The following GMPR variants were observed in gnomAD, a reference collection of about 807,000 sequenced individuals.
GMPR encodes guanosine monophosphate reductase.
Under a neutral mutation model 38.4 loss-of-function variants are expected in GMPR, and 31 were observed. The ratio of observed to expected loss-of-function variants is 0.81; its 90% CI spans 0.61 to 1.09. GMPR has a LOEUF of 1.09. Among genes scored for constraint, GMPR ranks in the 50% least tolerant of loss-of-function variants. The pLI, the probability that GMPR is intolerant of heterozygous loss-of-function variation, is 0.00. For synonymous variants in GMPR, 162 were observed against 173.3 expected (o/e 0.93, Z 0.51); for missense variants, 468 against 453.7 (o/e 1.03, Z -0.29).
chr6:16,292,168 C>T (rs1458494300), intron 8 of GMPR, among the ~76,000 whole-genome samples: 1 of 152,134 alleles, frequency 6.6e-6, no homozygotes, highest in Non-Finnish European at 1.5e-5. Flanking sequence ...CTGACTGACA[C>T]CCTTTATTTC....
chr6:16,272,978 A>C (rs1417512680), intron 4 of GMPR, among the ~76,000 whole-genome samples: 1 of 152,126 alleles, frequency 6.6e-6, no homozygotes, highest in Non-Finnish European at 1.5e-5. Context: ...TTTAGTTTTT[A>C]TGTAGACAGC....
chr6:16,295,358 C>A lies in GMPR; in HGVS notation c.*172C>A. 2.1e-6 allele frequency: 1 copy of A among 482,504 alleles called. No individual in the cohort carries two copies. The highest frequency in any genetic ancestry group is 3.5e-6 in the Non-Finnish European group (1 of 287,416). The allele number at this position is 482,504 out of a possible 1,614,324, so 29.9% of individuals were successfully genotyped here. Reference sequence around the variant, plus strand: ...GCTTCGGGGCTCTCCCGCCTGCCTTCTCGGGGCCCAGACGCAAGGCACCGA... The same window carrying A: ...GCTTCGGGGCTCTCCCGCCTGCCTTATCGGGGCCCAGACGCAAGGCACCGA... On this transcript the variant is annotated 3_prime_UTR_variant, in exon 9 of 9. Transcript: ENST00000259727.
chr6:16,266,795 C>G (rs1347256649), intron 4 of GMPR, among the ~76,000 whole-genome samples: 1 of 147,262 alleles, frequency 6.8e-6, no homozygotes, highest in Admixed American at 6.7e-5. Flanking sequence ...TCTCAAAAAA[C>G]AAACAAACAA....
At chr6:16,266,048 G>A (rs1041398572) in intron 4 of GMPR, among the ~76,000 whole-genome samples, 5 of 152,106 alleles carry the variant, frequency 3.3e-5, no homozygotes, top group East Asian at 1.9e-4. Context: ...GTGAGACCAC[G>A]AACCCAGTGG....
chr6:16,258,737 TGG>T, intron 4 of GMPR, among the ~76,000 whole-genome samples: 1 of 152,228 alleles, frequency 6.6e-6, no homozygotes, highest in East Asian at 1.9e-4. Flanking sequence ...TTTATGTCCT[TGG>T]TTTTTGGTGT....
intron 1 of GMPR, among the ~76,000 whole-genome samples, chr6:16,240,682 A>T (rs1758631239): frequency 6.6e-6 from 1 of 152,210 alleles, no homozygotes; most frequent in South Asian, 2.1e-4. Context: ...GGGGAATACT[A>T]TCACATCATG....
At chr6:16,274,372 C>T (rs373547039) in intron 4 of GMPR, 43 bp from the exon 5 acceptor site, 1 of 1,211,438 alleles carries the variant, frequency 8.3e-7, no homozygotes, top group Non-Finnish European at 1.2e-6. Context: ...TTTATACCAG[C>T]AATAGTAGTT....
At chr6:16,252,872 G>A (rs1464066474) in intron 3 of GMPR, among the ~76,000 whole-genome samples, 1 of 152,302 alleles carries the variant, frequency 6.6e-6, no homozygotes, top group Admixed American at 6.5e-5. Flanking sequence ...GTAAATATGT[G>A]TCATGTTAAC....
intron 6 of GMPR, among the ~76,000 whole-genome samples, chr6:16,284,474 C>T (rs776732901): frequency 6.6e-5 from 10 of 152,164 alleles, no homozygotes; most frequent in Admixed American, 2.0e-4. Context: ...CCACCTTCTG[C>T]GGACAGGTGC....
intron 3 of GMPR, among the ~76,000 whole-genome samples, chr6:16,253,358 G>A (rs1488756882): frequency 5.3e-5 from 8 of 152,240 alleles, no homozygotes; most frequent in African/African-American, 1.9e-4. Flanking sequence ...AAAGAAAAGA[G>A]ATCTAATTGG....
At chr6:16,248,151 A>G (rs1758796104) in intron 2 of GMPR, among the ~76,000 whole-genome samples, 1 of 140,624 alleles carries the variant, frequency 7.1e-6, no homozygotes, top group Non-Finnish European at 1.5e-5. Context: ...AGATCACTTG[A>G]GCTGGGAGGC....
At chr6:16,256,043 G>A (rs992890892) in intron 4 of GMPR, among the ~76,000 whole-genome samples, 34 of 151,074 alleles carry the variant, frequency 2.3e-4, no homozygotes, top group African/African-American at 7.3e-4. Context: ...TGGCGAAACC[G>A]TGTCTCTACT....
At chr6:16,289,099 T>G (rs1482142444) in intron 7 of GMPR, among the ~76,000 whole-genome samples, 2 of 152,264 alleles carry the variant, frequency 1.3e-5, no homozygotes, top group Non-Finnish European at 2.9e-5. Context: ...TTGCAATAGA[T>G]TCTGTTGCTG....
chr6:16,276,745 C>G (rs1759479769), intron 5 of GMPR, among the ~76,000 whole-genome samples: 1 of 152,188 alleles, frequency 6.6e-6, no homozygotes, highest in African/African-American at 2.4e-5. Flanking sequence ...TTGCATATTA[C>G]ATATCTAAAT....
chr6:16,238,777 C>A lies in GMPR; in HGVS notation c.84C>A (p.Ala28=). Residue 28 remains alanine (A), a synonymous_variant, in exon 1 of 9, where the codon GCC becomes GCA. Transcript: ENST00000259727. ...AGCGGAGCAGCCTCAAGAGCCGAGCCGAGGTGGGGGACGTTCGGAAGTCGC... is the reference window on the plus strand; with the variant it reads ...AGCGGAGCAGCCTCAAGAGCCGAGCAGAGGTGGGGGACGTTCGGAAGTCGC... ...RPKRSSLKSR[A]EVDLERTFTF... The A allele has an allele frequency of 6.9e-7, 1 of 1,451,186 alleles. No individual in the cohort carries two copies. Among genetic ancestry groups the A allele is most frequent in the Non-Finnish European group, 9.2e-7 (1 of 1,084,110 alleles). The allele number at this position is 1,451,186 out of a possible 1,614,324, so 89.9% of individuals were successfully genotyped here. A position where few individuals can be genotyped will look rare whatever the true frequency, so the allele number is the denominator to read the frequency against.
At chr6:16,288,572 C>T (rs1759748004) in intron 7 of GMPR, among the ~76,000 whole-genome samples, 1 of 152,120 alleles carries the variant, frequency 6.6e-6, no homozygotes, top group African/African-American at 2.4e-5. Flanking sequence ...GCGGGAGCCT[C>T]CCTAATGAGC....
intron 5 of GMPR, among the ~76,000 whole-genome samples, 196 bp from the exon 6 acceptor site, chr6:16,278,588 G>T (rs565611533): frequency 6.6e-6 from 1 of 152,246 alleles, no homozygotes; most frequent in East Asian, 1.9e-4. Context: ...GGACCGGAGG[G>T]GGTGCATGAC....
At chr6:16,277,734 A>ATGTTT (rs1759499126) in intron 5 of GMPR, among the ~76,000 whole-genome samples, 1 of 152,180 alleles carries the variant, frequency 6.6e-6, no homozygotes, top group South Asian at 2.1e-4. Flanking sequence ...ACTGTGATGA[A>ATGTTT]CAACTCCCCT....
rs776558178 is a variant in GMPR, at chr6:16,290,592, C to G, written c.828C>G (p.Asn276Lys). 11 of 1,614,176 alleles carry G rather than the reference C, an allele frequency of 6.8e-6. No homozygotes were observed. The South Asian group carries it at 1.2e-4, about 18-fold the overall frequency. The change falls in exon 8 of 9, where the codon AAC becomes AAG. Residue 276 changes from asparagine (N) to lysine (K), a missense_variant. Coordinates refer to ENST00000259727, the MANE Select transcript of GMPR (RefSeq NM_006877.4). ...GGATGAGCTCTGACACCGCCATGAA[C>G]AAGCACGCAGGAGGAGTTGCTGAGT... ...FYGMSSDTAM[N>K]KHAGGVAEYR...
Sources: allele counts gnomAD v4.1 joint callset (sites outside exome capture counted in the v4.1 genomes callset), GRCh38; gene constraint gnomAD v4.1.1; transcripts MANE v1.5; gene names NCBI Gene and HGNC (gene_info 2026-07-23, HGNC 2026-07-21).